The following AKAP10 variants were observed in gnomAD, a reference collection of about 807,000 sequenced individuals.
AKAP10 encodes the protein A-kinase anchor protein 10, mitochondrial.
AKAP10 carries 24 observed loss-of-function variants against 80.8 expected under a neutral mutation model. The observed-to-expected ratio is 0.30, with a 90% CI of 0.22 to 0.42. The LOEUF is 0.42. Ranked by LOEUF, AKAP10 falls within the 10% of genes least tolerant of loss-of-function variation. The pLI, the probability that AKAP10 is intolerant of heterozygous loss-of-function variation, is 1.00. For synonymous variants in AKAP10, 291 were observed against 277.7 expected, an observed-to-expected ratio of 1.05 and a Z score of -0.48; for missense variants, 661 against 794.9, an observed-to-expected ratio of 0.83 and a Z score of 2.03.
intron 5 of AKAP10, among the ~76,000 whole-genome samples, chr17:19,946,255 ATATATATATATATATATATATTTTTTTTT>A (rs2043120715): frequency 4.7e-5 from 1 of 21,364 alleles, no homozygotes; most frequent in South Asian, 1.4e-3. Flanking sequence ...ATATATATAT[ATATATATATATATATATATATTTTTTTTT>A]TTTTTTTTTT....
intron 4 of AKAP10, among the ~76,000 whole-genome samples, chr17:19,956,485 T>G (rs2043277103): frequency 6.6e-6 from 1 of 151,916 alleles, no homozygotes; most frequent in African/African-American, 2.4e-5. Context: ...AAAGATGGGA[T>G]CAAAAGTGGG....
At position 19,935,319 on chromosome 17, in the gene AKAP10, G is replaced by A. The variant is rs896520958; in HGVS notation, c.1467+967C>T. 5.9e-5 allele frequency among the ~76,000 whole-genome samples: 9 copies of A among 152,290 alleles called. No homozygotes were observed. The South Asian group carries it at 1.9e-3, about 32-fold the overall frequency. ...CTGTATAGGGCACTTACCATGAATG[G>A]AGCTTGCAAGACTGGAAGTTGCTCT... On this transcript the variant is annotated intron_variant, in intron 9 of 14. Transcript: ENST00000225737.
chr17:19,922,175 G>A (rs1170241456), intron 11 of AKAP10, among the ~76,000 whole-genome samples: 1 of 152,164 alleles, frequency 6.6e-6, no homozygotes, highest in Non-Finnish European at 1.5e-5. Flanking sequence ...TTGGGAGGCT[G>A]AGGAAGGTGG....
chr17:19,906,457 A>G (rs1046331267), intron 14 of AKAP10, among the ~76,000 whole-genome samples: 1 of 152,238 alleles, frequency 6.6e-6, no homozygotes, highest in Non-Finnish European at 1.5e-5. Flanking sequence ...CAAGGGGCAT[A>G]TAACAAGGAC....
intron 4 of AKAP10, among the ~76,000 whole-genome samples, chr17:19,949,026 C>T (rs540950279): frequency 6.6e-6 from 1 of 152,066 alleles, no homozygotes; most frequent in African/African-American, 2.4e-5. Flanking sequence ...GTCCAAGATA[C>T]AATCCAAAAT....
rs558186701 is a variant in AKAP10, at chr17:19,968,316, G to T, written c.136+98C>A. On this transcript the variant is annotated intron_variant, in intron 2 of 14. Coordinates refer to ENST00000225737, the MANE Select transcript of AKAP10 (RefSeq NM_007202.4). ...AGTAATTATAAAATAAGGCAGAAAT[G>T]ATTAATGCCAAAAGAGAGAGTATAA... 3.7e-4 allele frequency: 328 copies of T among 889,286 alleles called. 3 individuals are homozygous for T. In the South Asian group the frequency reaches 5.6e-3, roughly 15 times the overall value. The allele number at this position is 889,286 out of a possible 1,614,324, so 55.1% of individuals were successfully genotyped here.
At chr17:19,926,145 G>A (rs1324714358) in intron 10 of AKAP10, among the ~76,000 whole-genome samples, 1 of 152,014 alleles carries the variant, frequency 6.6e-6, no homozygotes, top group African/African-American at 2.4e-5. Flanking sequence ...ATTCATCTCA[G>A]GTATGCAAGG....
At chr17:19,907,008 TCTA>T (rs2042637911) in intron 14 of AKAP10, among the ~76,000 whole-genome samples, 1 of 144,986 alleles carries the variant, frequency 6.9e-6, no homozygotes, top group African/African-American at 2.7e-5. Context: ...GTTCTTCGAG[TCTA>T]CTGTTTTTTT....
intron 9 of AKAP10, among the ~76,000 whole-genome samples, chr17:19,932,957 T>G (rs1002100839): frequency 6.6e-6 from 1 of 152,176 alleles, no homozygotes; most frequent in Non-Finnish European, 1.5e-5. Flanking sequence ...ATAATAAACA[T>G]GAGAACTTAT....
intron 8 of AKAP10, among the ~76,000 whole-genome samples, chr17:19,939,258 G>A (rs1287651054): frequency 1.3e-5 from 2 of 152,072 alleles, no homozygotes; most frequent in African/African-American, 4.8e-5. Context: ...AGGCATTCAA[G>A]GTCCCTTACA....
intron 10 of AKAP10, among the ~76,000 whole-genome samples, chr17:19,931,066 C>T (rs2042926821): frequency 6.6e-6 from 1 of 151,930 alleles, no homozygotes; most frequent in Non-Finnish European, 1.5e-5. Context: ...CCCAGCTATT[C>T]AGGAGGCTGT....
Position 19,931,871 on chromosome 17 carries a change from A to G in AKAP10, c.1575T>C (p.Thr525=). 1.2e-6 allele frequency: 2 copies of G among 1,614,212 alleles called. No homozygotes were observed. The highest frequency in any genetic ancestry group is 1.7e-6 in the Non-Finnish European group (2 of 1,180,036). The stretch of plus-strand genomic sequence containing the variant: ...CAGGAGGGCCAACAGAGCCAGGAGC[A>G]GTCAGCGACACGTTCCCGCCCAGAA... ...DEFLGGNVSL[T]APGSVGPPDE... The change falls in exon 10 of 15, where the codon ACT becomes ACC. Residue 525 remains threonine (T), a synonymous_variant. Coordinates refer to ENST00000225737, the MANE Select transcript of AKAP10 (RefSeq NM_007202.4).
At chr17:19,911,561 G>T (rs2042689654) in intron 12 of AKAP10, among the ~76,000 whole-genome samples, 1 of 152,072 alleles carries the variant, frequency 6.6e-6, no homozygotes, top group Non-Finnish European at 1.5e-5. Flanking sequence ...TCTCTGGGCT[G>T]GGCGCGGTGG....
At chr17:19,935,279 T>TA (rs901258955) in intron 9 of AKAP10, among the ~76,000 whole-genome samples, 6 of 152,090 alleles carry the variant, frequency 3.9e-5, no homozygotes, top group African/African-American at 1.4e-4. Flanking sequence ...GTATAAAAGA[T>TA]AAAAAATGGT....
Position 19,946,256 on chromosome 17 carries a change from TA to T in AKAP10, c.976+1150del, listed in dbSNP as rs1321917184. On this transcript the variant is annotated intron_variant, in intron 5 of 14. Transcript: ENST00000225737. Reference sequence around the variant, plus strand: ...TATATATTATATATATATATATATATATATATATATATATATATATTTTTTT... The same window carrying T: ...TATATATTATATATATATATATATATTATATATATATATATATATTTTTTT... Among the ~76,000 whole-genome samples the T allele has an allele frequency of 8.3e-3, 196 of 23,616 alleles. 10 individuals are homozygous for T. The highest frequency in any genetic ancestry group is 0.013 in the Non-Finnish European group (167 of 13,236). The allele number at this position is 23,616 out of a possible 152,430, so 15.5% of individuals were successfully genotyped here. A position where few individuals can be genotyped will look rare whatever the true frequency, so the allele number is the denominator to read the frequency against.
chr17:19,957,548 T>C (rs905515356), intron 4 of AKAP10, among the ~76,000 whole-genome samples: 3 of 151,510 alleles, frequency 2.0e-5, no homozygotes, highest in African/African-American at 7.3e-5. Context: ...AAAAAAAAGA[T>C]AATCATGCCT....
At chr17:19,942,730 GA>G (rs553515637) in intron 5 of AKAP10, among the ~76,000 whole-genome samples, 103 of 152,236 alleles carry the variant, frequency 6.8e-4, no homozygotes, top group African/African-American at 2.3e-3. Context: ...AACATGGCTG[GA>G]AAAACCATAT....
chr17:19,946,237 T>TTATATATATATATA (rs1171891537), intron 5 of AKAP10, among the ~76,000 whole-genome samples: 2 of 15,174 alleles, frequency 1.3e-4, no homozygotes, highest in South Asian at 2.3e-3. Context: ...TATATATATA[T>TTATATATATATATA]TATATATATA....
At chr17:19,969,282 T>C (rs374557687) in intron 1 of AKAP10, among the ~76,000 whole-genome samples, 8 of 152,024 alleles carry the variant, frequency 5.3e-5, no homozygotes, top group African/African-American at 1.7e-4. Flanking sequence ...GAGGCGGAGG[T>C]TGCAGTGAGC....
Sources: allele counts gnomAD v4.1 joint callset (sites outside exome capture counted in the v4.1 genomes callset), GRCh38; gene constraint gnomAD v4.1.1; transcripts MANE v1.5; gene names NCBI Gene and HGNC (gene_info 2026-07-23, HGNC 2026-07-21).